Variants in PSEN2 observed in about 807,000 individuals in gnomAD.
PSEN2 encodes the protein presenilin-2.
In PSEN2, 32 loss-of-function variants were observed where a neutral mutation model predicts 49.1. The ratio of observed to expected loss-of-function variants is 0.65; its 90% confidence interval spans 0.49 to 0.88. The LOEUF is 0.88. Ranked by LOEUF, PSEN2 falls within the 40% of genes least tolerant of loss-of-function variation. The pLI is 0.00. For missense variants in PSEN2, 522 were observed against 586.9 expected (o/e 0.89, Z 1.14); for synonymous variants, 255 against 244.0 (o/e 1.05, Z -0.42).
chr1:226,902,486 T>C (rs1662348658), intron 12 of PSEN2, among the ~76,000 whole-genome samples: 1 of 151,820 alleles, frequency 6.6e-6, no homozygotes, highest in Admixed American at 6.6e-5. Context: ...TGCTCCCCAT[T>C]TGGGATTTGG....
At chr1:226,900,918 G>T (rs986787628), downstream of PSEN2, among the ~76,000 whole-genome samples, 1 of 152,090 alleles carries the variant, frequency 6.6e-6, no homozygotes, top group Admixed American at 6.5e-5. Context: ...TTCAATTCTC[G>T]TAACAATAGG....
Position 226,883,966 on chromosome 1 carries a change from G to GC in PSEN2, c.356+49dup. The GC allele has an allele frequency of 1.5e-5, 5 of 330,260 alleles. No individual in the cohort carries two copies. In the East Asian group the frequency reaches 2.6e-4, roughly 17 times the overall value. The allele number at this position is 330,260 out of a possible 1,614,324, so 20.5% of individuals were successfully genotyped here. A position where few individuals can be genotyped will look rare whatever the true frequency, so the allele number is the denominator to read the frequency against. On this transcript the variant is annotated intron_variant, in intron 5 of 12. Coordinates refer to ENST00000366783, the MANE Select transcript of PSEN2 (RefSeq NM_000447.3). Reference sequence around the variant, plus strand: ...AGCAGGGTGGGGTGAGGGCTGAGTTGCCAGGGGGTGGGGGGCGCAGCAGCC... The same window carrying GC: ...AGCAGGGTGGGGTGAGGGCTGAGTTGCCCAGGGGGTGGGGGGCGCAGCAGCC...
chr1:226,880,628 C>T (rs200922381), intron 3 of PSEN2: 97 of 1,612,358 alleles, frequency 6.0e-5, no homozygotes, highest in Non-Finnish European at 8.1e-5. Context: ...GATAACTCAG[C>T]CTCTGTCCCC....
chr1:226,872,552 C>A (rs1660370615), intron 2 of PSEN2, among the ~76,000 whole-genome samples: 1 of 152,164 alleles, frequency 6.6e-6, no homozygotes, highest in African/African-American at 2.4e-5. Flanking sequence ...TCCACTACTG[C>A]TGGGAAAGTT....
chr1:226,893,611 C>G (rs988629078), intron 11 of PSEN2, among the ~76,000 whole-genome samples: 1 of 152,192 alleles, frequency 6.6e-6, no homozygotes, highest in African/African-American at 2.4e-5. Flanking sequence ...GTTATATGGG[C>G]TTTTGAATGT....
downstream of PSEN2, among the ~76,000 whole-genome samples, chr1:226,900,538 G>T (rs1407928470): frequency 6.6e-6 from 1 of 152,178 alleles, no homozygotes; most frequent in Non-Finnish European, 1.5e-5. Context: ...GAGAAGGAAG[G>T]GTCCTGTAAC....
intron 6 of PSEN2, among the ~76,000 whole-genome samples, chr1:226,887,565 G>C (rs1456370488): frequency 2.6e-5 from 4 of 152,120 alleles, no homozygotes; most frequent in Non-Finnish European, 2.9e-5. Flanking sequence ...TGGGTAGGAG[G>C]GGACTTCCCA....
intron 3 of PSEN2, among the ~76,000 whole-genome samples, chr1:226,876,179 T>C (rs1660618539): frequency 6.6e-6 from 1 of 152,044 alleles, no homozygotes; most frequent in African/African-American, 2.4e-5. Context: ...AGCAGTGTTG[T>C]TTATCTGCAC....
In PSEN2 at chr1:226,875,561, T is replaced by C. The variant is rs1168497373; in HGVS notation, c.-21+11T>C. Reference sequence around the variant, plus strand: ...CCCCAAGTGTTCGTGGTAAGTGCAGTGACTCCCAACCTGCTTTTGAACCCT... The same window carrying C: ...CCCCAAGTGTTCGTGGTAAGTGCAGCGACTCCCAACCTGCTTTTGAACCCT... On this transcript the variant is annotated intron_variant, in intron 3 of 12. Transcript: ENST00000366783. 1 of 152,200 alleles carries C rather than the reference T, an allele frequency of 6.6e-6. No homozygotes were observed. Among genetic ancestry groups the C allele is most frequent in the African/African-American group, 2.4e-5 (1 of 41,446 alleles). 9.4% of individuals were successfully genotyped at this position (152,200 alleles called of 1,614,324 possible). A position where few individuals can be genotyped will look rare whatever the true frequency, so the allele number is the denominator to read the frequency against.
At chr1:226,900,922 C>T (rs1243624780), downstream of PSEN2, among the ~76,000 whole-genome samples, 1 of 152,120 alleles carries the variant, frequency 6.6e-6, no homozygotes, top group Non-Finnish European at 1.5e-5. Flanking sequence ...ATTCTCGTAA[C>T]AATAGGAGGT....
chr1:226,893,950 T>C, intron 11 of PSEN2, 57 bp from the exon 12 acceptor site: 1 of 1,476,090 alleles, frequency 6.8e-7, no homozygotes, highest in East Asian at 2.3e-5. Flanking sequence ...GAGTTTCTCT[T>C]CTTTTTCCAT....
intron 10 of PSEN2, 104 bp from the exon 11 acceptor site, chr1:226,891,639 T>C: frequency 8.9e-7 from 1 of 1,117,894 alleles, no homozygotes. Context: ...GGACCCCTTC[T>C]TGGAGCTTTG....
At chr1:226,896,961 T>TG (rs1662172037), downstream of PSEN2, among the ~76,000 whole-genome samples, 1 of 152,184 alleles carries the variant, frequency 6.6e-6, no homozygotes, top group Admixed American at 6.5e-5. Context: ...ATTGTGTATC[T>TG]TGACATTTGA....
At chr1:226,898,312 A>G (rs1662217829), downstream of PSEN2, 1 of 152,124 alleles carries the variant, frequency 6.6e-6, no homozygotes, top group African/African-American at 2.4e-5. Flanking sequence ...TTTATATGCT[A>G]TTGATCGACC....
At chr1:226,871,006 T>A (rs975935360) in intron 1 of PSEN2, 2 of 152,298 alleles carry the variant, frequency 1.3e-5, no homozygotes, top group Non-Finnish European at 2.9e-5. Context: ...CGCGAGCGGT[T>A]AAAGGGCCGG....
At chr1:226,880,850 C>T in intron 3 of PSEN2, 1 of 1,488,580 alleles carries the variant, frequency 6.7e-7, no homozygotes, top group Non-Finnish European at 9.2e-7. Context: ...GTGGCACTTC[C>T]CCACCTCACA....
rs147702142 is a variant in PSEN2 at position 226,889,018 on chromosome 1, G to T, written c.756G>T (p.Ala252=). ...VFIKYLPEWS[A]WVILGAISVY... ...TCAAGTACCTCCCAGAGTGGTCCGC[G>T]TGGGTCATCCTGGGCGCCATCTCTG... The change falls in exon 8 of 13, where the codon GCG becomes GCT. Residue 252 remains alanine (A), a synonymous_variant. Coordinates refer to ENST00000366783, the MANE Select transcript of PSEN2 (RefSeq NM_000447.3). 6.2e-7 allele frequency: 1 copy of T among 1,614,062 alleles called. No homozygotes were observed. Among genetic ancestry groups the T allele is most frequent in the South Asian group, 1.1e-5 (1 of 91,066 alleles).
intron 6 of PSEN2, among the ~76,000 whole-genome samples, chr1:226,886,096 T>C (rs1661348822): frequency 6.7e-6 from 1 of 149,060 alleles, no homozygotes; most frequent in Non-Finnish European, 1.5e-5. Context: ...CTCAAACTCC[T>C]GGACTCAAGT....
In PSEN2 at chr1:226,895,632, G is replaced by T. The variant is rs1662099402; in HGVS notation, c.*53G>T. 5 of 1,560,588 alleles carry T rather than the reference G, an allele frequency of 3.2e-6. No homozygotes were observed. The Admixed American group carries it at 7.4e-5, about 23-fold the overall frequency. On this transcript the variant is annotated 3_prime_UTR_variant, in exon 13 of 13. Coordinates refer to ENST00000366783, the MANE Select transcript of PSEN2 (RefSeq NM_000447.3). ...CTGCAGGGAATTTTCATTGGATGCA[G>T]TTGTATAGTTTTACACTCTAGTGCC...
Sources: allele counts gnomAD v4.1 joint callset (sites outside exome capture counted in the v4.1 genomes callset), GRCh38; gene constraint gnomAD v4.1.1; transcripts MANE v1.5; gene names NCBI Gene and HGNC (gene_info 2026-07-23, HGNC 2026-07-21).